Variants in MYLK3 observed in about 807,000 individuals in gnomAD.
MYLK3 encodes MLC kinase.
A neutral mutation model predicts 76.3 loss-of-function variants in MYLK3; 55 were observed. The ratio of observed to expected loss-of-function variants is 0.72; its 90% CI spans 0.58 to 0.90. MYLK3 has a LOEUF of 0.90. Ranked by LOEUF, MYLK3 falls within the 40% of genes least tolerant of loss-of-function variation. MYLK3 has a pLI of 0.00. For missense variants in MYLK3, 973 were observed against 1,053.6 expected, an observed-to-expected ratio of 0.92 and a Z score of 1.06; for synonymous variants, 416 against 425.4, an observed-to-expected ratio of 0.98 and a Z score of 0.27.
chr16:46,738,143 T>C lies in MYLK3; in HGVS notation c.569A>G (p.Glu190Gly). The C allele has an allele frequency of 6.6e-7, 1 of 1,518,472 alleles. No homozygotes were observed. Among genetic ancestry groups the C allele is most frequent in the Non-Finnish European group, 8.8e-7 (1 of 1,137,272 alleles). 94.1% of individuals were successfully genotyped at this position (1,518,472 alleles called of 1,614,324 possible). Reference sequence around the variant, plus strand: ...CTCCAGCACGTCCGCCTTCTGGCTCTCTACAGGAAAACAGGCAGGACAAAA... The same window carrying C: ...CTCCAGCACGTCCGCCTTCTGGCTCCCTACAGGAAAACAGGCAGGACAAAA... ...VQSDAREPGE[E>G]SQKADVLEGT... Residue 190 changes from glutamate to glycine, a missense_variant and splice_region_variant, in exon 3 of 13, where the codon GAG (glutamate) becomes GGG (glycine). Around this residue, in one of 2 missense-constraint regions of MYLK3, gnomAD observed 641 missense variants for 637.0 expected, o/e 1.01. Transcript: ENST00000394809.
chr16:46,731,316 T>C (rs1338058873), intron 4 of MYLK3, among the ~76,000 whole-genome samples: 1 of 152,206 alleles, frequency 6.6e-6, no homozygotes, highest in Non-Finnish European at 1.5e-5. Context: ...AAAGGTTTGC[T>C]TGTTTGTTTG....
At chr16:46,739,043 G>A (rs1966889841) in intron 2 of MYLK3, among the ~76,000 whole-genome samples, 1 of 152,110 alleles carries the variant, frequency 6.6e-6, no homozygotes, top group African/African-American at 2.4e-5. Flanking sequence ...ATTTCACCAT[G>A]TTGGCCAGGC....
At chr16:46,723,716 T>TC (rs1567284006) in intron 8 of MYLK3, among the ~76,000 whole-genome samples, 2 of 149,962 alleles carry the variant, frequency 1.3e-5, no homozygotes, top group Non-Finnish European at 3.0e-5. Context: ...AGTGCCCTGA[T>TC]TCCGCTCACC....
intron 1 of MYLK3, 29 bp from the exon 2 acceptor site, chr16:46,740,176 C>A (rs1483181299): frequency 6.3e-7 from 1 of 1,581,278 alleles, no homozygotes; most frequent in Non-Finnish European, 8.7e-7. Flanking sequence ...AAAATGTCAT[C>A]ATTATCATCA....
chr16:46,757,597 G>A (rs1967217279), intron 1 of MYLK3: 2 of 985,326 alleles, frequency 2.0e-6, no homozygotes, highest in Non-Finnish European at 2.4e-6. Context: ...GGAATGAGGT[G>A]GGCTGGCTGG....
upstream of MYLK3, among the ~76,000 whole-genome samples, chr16:46,750,549 C>T (rs1424885381): frequency 2.0e-5 from 3 of 152,158 alleles, no homozygotes; most frequent in Non-Finnish European, 2.9e-5. Context: ...CAAAAATTTG[C>T]TGGGCATGAT....
At chr16:46,714,459 C>A (rs564563057) in intron 9 of MYLK3, among the ~76,000 whole-genome samples, 3 of 152,100 alleles carry the variant, frequency 2.0e-5, no homozygotes, top group African/African-American at 7.2e-5. Context: ...AGCAAGGTGA[C>A]GGGGGTTGAA....
rs1398225926 is a variant in MYLK3 at position 46,737,770 on chromosome 16, C to A, written c.942G>T (p.Gly314=). 1.2e-6 allele frequency: 2 copies of A among 1,611,470 alleles called. No homozygotes were observed. Among genetic ancestry groups the A allele is most frequent in the Non-Finnish European group, 1.7e-6 (2 of 1,179,822 alleles). The stretch of plus-strand genomic sequence containing the variant: ...TGGCCTGGGCTGGCAGCCCTGGAGG[C>A]CCTGGGCACTGAGGGCCAGGCCCTG... ...LTPGPGPQCP[G]PPGLPAQARA... The change falls in exon 3 of 13, where the codon GGG becomes GGT. Residue 314 remains glycine, a synonymous_variant. Transcript: ENST00000394809.
At chr16:46,723,016 G>A (rs1331586594) in intron 8 of MYLK3, among the ~76,000 whole-genome samples, 2 of 152,054 alleles carry the variant, frequency 1.3e-5, no homozygotes, top group Non-Finnish European at 2.9e-5. Context: ...ATTTTAAAGT[G>A]TGCGATTCAA....
intron 12 of MYLK3, 128 bp downstream of exon 12, chr16:46,709,411 G>A (rs1161648676): frequency 3.9e-6 from 4 of 1,038,312 alleles, no homozygotes; most frequent in Non-Finnish European, 5.6e-6. Flanking sequence ...AACAGAGCAA[G>A]ACCCTGTCTA....
chr16:46,727,601 A>G (rs1406658606), intron 7 of MYLK3, among the ~76,000 whole-genome samples: 2 of 152,188 alleles, frequency 1.3e-5, no homozygotes, highest in South Asian at 2.1e-4. Flanking sequence ...ATCTCTGCTC[A>G]CTGCAACCTC....
rs1232337808 is a variant in MYLK3 at position 46,705,520 on chromosome 16, C to T, written c.*2184G>A. The T allele has an allele frequency of 6.7e-6, 1 of 148,718 alleles. No individual in the cohort carries two copies. Among genetic ancestry groups the T allele is most frequent in the South Asian group, 2.1e-4 (1 of 4,694 alleles). 9.2% of individuals were successfully genotyped at this position (148,718 alleles called of 1,614,324 possible). The stretch of plus-strand genomic sequence containing the variant: ...CTCCAGCCTGGGTGACAGAGGAAGA[C>T]TCTCTCAAAAAAAATAAAAAACTAA... On this transcript the variant is annotated 3_prime_UTR_variant, in exon 13 of 13. Coordinates refer to ENST00000394809, the MANE Select transcript of MYLK3 (RefSeq NM_182493.3).
At chr16:46,742,443 C>CAA (rs202213471) in intron 1 of MYLK3, among the ~76,000 whole-genome samples, 1 of 134,656 alleles carries the variant, frequency 7.4e-6, no homozygotes, top group African/African-American at 3.0e-5. Context: ...GTAATCCCAG[C>CAA]AAAAACACAC....
intron 3 of MYLK3, among the ~76,000 whole-genome samples, chr16:46,732,973 C>G (rs569177125): frequency 6.6e-6 from 1 of 152,322 alleles, no homozygotes; most frequent in East Asian, 1.9e-4. Context: ...TCTACCTTCC[C>G]CTGGGCCCAG....
At chr16:46,709,929 G>A (rs1966666188) in intron 11 of MYLK3, among the ~76,000 whole-genome samples, 1 of 152,226 alleles carries the variant, frequency 6.6e-6, no homozygotes, top group Admixed American at 6.5e-5. Flanking sequence ...ACTTCCCAGA[G>A]GGGGCTGAGA....
intron 8 of MYLK3, among the ~76,000 whole-genome samples, chr16:46,724,512 T>G (rs987811656): frequency 3.3e-5 from 5 of 152,324 alleles, no homozygotes; most frequent in South Asian, 2.1e-4. Context: ...CTTTCACATG[T>G]AGCTCCCTAG....
At chr16:46,762,419 C>T (rs551580115) in intron 1 of MYLK3, among the ~76,000 whole-genome samples, 4 of 152,124 alleles carry the variant, frequency 2.6e-5, no homozygotes, top group Admixed American at 6.5e-5. Flanking sequence ...TTATTCTAGA[C>T]AGATGATACG....
intron 8 of MYLK3, chr16:46,726,206 T>TA (rs1966840143): frequency 6.6e-6 from 1 of 152,176 alleles, no homozygotes. Flanking sequence ...GCCAGTACCA[T>TA]ATACCACTCA....
chr16:46,715,892 T>G (rs1249153799), intron 9 of MYLK3, among the ~76,000 whole-genome samples: 1 of 152,228 alleles, frequency 6.6e-6, no homozygotes, highest in Non-Finnish European at 1.5e-5. Flanking sequence ...GCATGGAATA[T>G]GCTTCCTTAA....
Sources: gnomAD v4.1 joint callset for allele counts (sites outside exome capture counted in the v4.1 genomes callset) on GRCh38, gnomAD v4.1.1 for gene constraint, gnomAD v4.1.1 regional missense constraint, MANE v1.5 for transcripts, NCBI Gene and HGNC (gene_info 2026-07-23, HGNC 2026-07-21) for gene names.